PPP1R12A: variants seen among roughly 807,000 people sequenced by gnomAD.
PPP1R12A encodes protein phosphatase 1 regulatory subunit 12A, also known as myosin binding subunit.
Under a neutral mutation model 139.6 loss-of-function variants are expected in PPP1R12A, and 19 were observed. The ratio of observed to expected loss-of-function variants is 0.14; its 90% confidence interval spans 0.09 to 0.20. The LOEUF is 0.20. PPP1R12A is among the 10% of genes least tolerant of loss of function. The pLI, the probability that PPP1R12A is intolerant of heterozygous loss-of-function variation, is 1.00. For missense variants in PPP1R12A, 925 were observed against 1,211.5 expected (o/e 0.76, Z 3.51); for synonymous variants, 427 against 420.6 (o/e 1.02, Z -0.19).
intron 9 of PPP1R12A, among the ~76,000 whole-genome samples, chr12:79,811,478 T>C (rs1183429533): frequency 1.3e-5 from 2 of 152,206 alleles, no homozygotes; most frequent in African/African-American, 2.4e-5. Context: ...ATCAAACTAC[T>C]TAATGAGACA....
chr12:79,778,362 T>A (rs1156650007), intron 24 of PPP1R12A, 188 bp downstream of exon 24: 2 of 375,768 alleles, frequency 5.3e-6, no homozygotes, highest in Admixed American at 8.8e-5. Context: ...TGTTAAGATT[T>A]GGGTTTTAGA....
intron 22 of PPP1R12A, among the ~76,000 whole-genome samples, chr12:79,785,349 G>C (rs1473307876): frequency 1.3e-5 from 2 of 152,126 alleles, no homozygotes; most frequent in Non-Finnish European, 2.9e-5. Context: ...ACAGACAATC[G>C]CTTTACAACA....
At chr12:79,821,262 C>A in intron 6 of PPP1R12A, 96 bp from the exon 7 acceptor site, 1 of 809,580 alleles carries the variant, frequency 1.2e-6, no homozygotes, top group Non-Finnish European at 2.0e-6. Flanking sequence ...GTTTTTCAGA[C>A]ATTAAATAAG....
At chr12:79,917,243 T>C (rs1006517378) in intron 1 of PPP1R12A, among the ~76,000 whole-genome samples, 7 of 152,038 alleles carry the variant, frequency 4.6e-5, no homozygotes, top group African/African-American at 1.2e-4. Context: ...TCCCAGCACT[T>C]TGGGAGGCCG....
At chr12:79,863,644 C>CAAAA (rs61530316) in intron 2 of PPP1R12A, among the ~76,000 whole-genome samples, 1 of 55,334 alleles carries the variant, frequency 1.8e-5, no homozygotes, top group African/African-American at 6.7e-5. Flanking sequence ...AAATTGAAAG[C>CAAAA]AAAAAAAAAA....
intron 17 of PPP1R12A, among the ~76,000 whole-genome samples, chr12:79,796,506 T>C (rs1324693003): frequency 6.6e-6 from 1 of 152,142 alleles, no homozygotes; most frequent in Non-Finnish European, 1.5e-5. Context: ...CTTCTAGAAA[T>C]AGTCACCCAC....
At position 79,877,127 on chromosome 12, in the gene PPP1R12A, T is replaced by C. The variant is rs562741006; in HGVS notation, c.238-4189A>G. On this transcript the variant is annotated intron_variant, in intron 1 of 24. Transcript: ENST00000450142. ...ACAAGTAATTTAATCTTTTTGGACG[T>C]TGGTGTCTTTATATTTCAAGTGGAG... is the stretch of plus-strand genomic sequence containing the variant. Among the ~76,000 whole-genome samples, 15 of 152,238 alleles carry C rather than the reference T, an allele frequency of 9.9e-5. No individual in the cohort carries two copies. The East Asian group carries it at 2.5e-3, about 26-fold the overall frequency.
At chr12:79,904,952 A>C (rs184306236) in intron 1 of PPP1R12A, among the ~76,000 whole-genome samples, 1 of 152,214 alleles carries the variant, frequency 6.6e-6, no homozygotes, top group Admixed American at 6.5e-5. Flanking sequence ...GTAAATTCAA[A>C]TATAAATACA....
intron 1 of PPP1R12A, among the ~76,000 whole-genome samples, chr12:79,920,947 G>T (rs900400008): frequency 6.6e-6 from 1 of 152,184 alleles, no homozygotes; most frequent in Non-Finnish European, 1.5e-5. Flanking sequence ...GTCATTACTT[G>T]TTCTCTTTTT....
Position 79,888,261 on chromosome 12 carries a change from T to TGGGGG in PPP1R12A, c.238-15328_238-15324dup, listed in dbSNP as rs1347587051. ...TTAACTAAAGTACTTAACCAATATT[T>TGGGGG]GGGGGAGAGGAGAAATCAAAATCTC... On this transcript the variant is annotated intron_variant, in intron 1 of 24. Transcript: ENST00000450142. Among the ~76,000 whole-genome samples the TGGGGG allele has an allele frequency of 2.0e-5, 3 of 152,204 alleles. No individual in the cohort carries two copies. The East Asian group carries it at 5.8e-4, about 29-fold the overall frequency.
chr12:79,804,082 G>C (rs1372836892), intron 14 of PPP1R12A, among the ~76,000 whole-genome samples: 1 of 152,016 alleles, frequency 6.6e-6, no homozygotes, highest in Non-Finnish European at 1.5e-5. Flanking sequence ...TAACAGAAGA[G>C]TTTCTGACTC....
At chr12:79,931,133 A>G (rs1171304416) in intron 1 of PPP1R12A, among the ~76,000 whole-genome samples, 1 of 152,212 alleles carries the variant, frequency 6.6e-6, no homozygotes, top group Non-Finnish European at 1.5e-5. Flanking sequence ...AAGTCTAAAG[A>G]TAAGTATCTC....
chr12:79,838,288 T>A (rs1167830984), intron 3 of PPP1R12A, among the ~76,000 whole-genome samples: 1 of 152,148 alleles, frequency 6.6e-6, no homozygotes, highest in African/African-American at 2.4e-5. Flanking sequence ...ATTTAGGGTA[T>A]CTGATGAAAG....
chr12:79,825,586 A>G (rs973441465), intron 5 of PPP1R12A: 2 of 151,784 alleles, frequency 1.3e-5, no homozygotes, highest in Non-Finnish European at 2.9e-5. Context: ...AAAGTTTCAG[A>G]TTTTCTATAT....
At chr12:79,777,392 A>G in intron 24 of PPP1R12A, 2 of 984,614 alleles carry the variant, frequency 2.0e-6, no homozygotes, top group South Asian at 9.4e-5. Flanking sequence ...AGCCATGCAT[A>G]ATTAGTTATA....
chr12:79,854,203 G>A (rs935187362), intron 2 of PPP1R12A, among the ~76,000 whole-genome samples: 1 of 152,148 alleles, frequency 6.6e-6, no homozygotes, highest in African/African-American at 2.4e-5. Flanking sequence ...CACAGAGAAT[G>A]ATACTGTGTG....
At chr12:79,905,777 A>T (rs1886058357) in intron 1 of PPP1R12A, among the ~76,000 whole-genome samples, 1 of 152,210 alleles carries the variant, frequency 6.6e-6, no homozygotes, top group African/African-American at 2.4e-5. Flanking sequence ...ACAAACTAAC[A>T]TGCATTTTTA....
At chr12:79,856,369 T>A (rs2656032) in intron 2 of PPP1R12A, among the ~76,000 whole-genome samples, 31,561 of 152,142 alleles carry the variant, frequency 0.21, 5,900 homozygotes, top group African/African-American at 0.5. Context: ...GTTAACCAAA[T>A]AGGCTGACTG....
chr12:79,793,908 T>C lies in PPP1R12A; in HGVS notation c.2604A>G (p.Glu868=), dbSNP rs371883409. ...WTQDSDENEQ[E]QQSDTEEGSN... ...ATCCCTCTTCTGTGTCTGATTGTTG[T>C]TCTTGTTCATTTTCATCACTCTAAA... Residue 868 remains glutamate, a synonymous_variant, in exon 19 of 25, where the codon GAA becomes GAG. Coordinates refer to ENST00000450142, the MANE Select transcript of PPP1R12A (RefSeq NM_002480.3). 1.3e-6 allele frequency: 2 copies of C among 1,593,312 alleles called. No homozygotes were observed.
Sources: allele counts gnomAD v4.1 joint callset (sites outside exome capture counted in the v4.1 genomes callset), GRCh38; gene constraint gnomAD v4.1.1; transcripts MANE v1.5; gene names NCBI Gene and HGNC (gene_info 2026-07-23, HGNC 2026-07-21).